Variants in NTRK2 observed in about 807,000 individuals in gnomAD.
The protein encoded by NTRK2 is neurotrophic receptor tyrosine kinase 2.
NTRK2 carries 13 observed loss-of-function variants against 94.5 expected under a neutral mutation model. That is an observed-to-expected ratio of 0.14 (90% CI 0.09 to 0.22). The LOEUF (loss-of-function observed/expected upper bound fraction) is 0.22. NTRK2 is among the 10% of genes least tolerant of loss of function. The probability of loss-of-function intolerance (pLI) is 1.00; values close to 1 mark genes in which losing one functional copy is unlikely to be tolerated. For synonymous variants in NTRK2, 372 were observed against 407.4 expected (o/e 0.91, Z 1.05); for missense variants, 639 against 1,071.2 (o/e 0.60, Z 5.63).
chr9:85,025,631 T>G lies in NTRK2; in HGVS notation c.*4194T>G, dbSNP rs1004691475. On this transcript the variant is annotated 3_prime_UTR_variant, in exon 19 of 19. Coordinates refer to ENST00000277120, the MANE Select transcript of NTRK2 (RefSeq NM_006180.6). ...TACCAATAACATTGTTGTATCTAAC[T>G]AAATAAATGACTGCATATACACACA... 3 of 233,158 alleles carry G rather than the reference T, an allele frequency of 1.3e-5. No individual in the cohort carries two copies. The highest frequency in any genetic ancestry group is 2.5e-5 in the Non-Finnish European group (3 of 118,020). 14.4% of individuals were successfully genotyped at this position (233,158 alleles called of 1,614,324 possible).
chr9:84,950,992 T>C (rs1456809230), intron 16 of NTRK2, among the ~76,000 whole-genome samples: 1 of 152,204 alleles, frequency 6.6e-6, no homozygotes, highest in Non-Finnish European at 1.5e-5. Context: ...GTAAGCTTCA[T>C]GTATCTGCTG....
chr9:84,831,482 T>C (rs2073542653), intron 12 of NTRK2, among the ~76,000 whole-genome samples: 1 of 152,170 alleles, frequency 6.6e-6, no homozygotes, highest in Admixed American at 6.5e-5. Context: ...ATGCCCGTGG[T>C]ACATTGGTGG....
intron 2 of NTRK2, among the ~76,000 whole-genome samples, chr9:84,697,458 T>C (rs1164263102): frequency 6.6e-6 from 1 of 152,186 alleles, no homozygotes; most frequent in Non-Finnish European, 1.5e-5. Context: ...AATGGCACCC[T>C]TTTTGGAGAT....
Position 84,769,275 on chromosome 9 carries a change from T to G in NTRK2, c.1396+17190T>G, listed in dbSNP as rs1043841726. On this transcript the variant is annotated intron_variant, in intron 12 of 18. Transcript: ENST00000277120. ...ATTAATTGCATGTGTTACTTAAAAA[T>G]ATTCTGATATCTCACATTTCTATAA... 2.0e-5 allele frequency among the ~76,000 whole-genome samples: 3 copies of G among 152,320 alleles called. No individual in the cohort carries two copies. The East Asian group carries it at 5.8e-4, about 29-fold the overall frequency.
intron 14 of NTRK2, chr9:84,874,007 A>G: frequency 9.4e-7 from 1 of 1,064,114 alleles, no homozygotes; most frequent in Non-Finnish European, 1.1e-6. Flanking sequence ...AATTTCACCA[A>G]AGCATCAGTG....
chr9:84,874,758 A>T, intron 14 of NTRK2: 1 of 1,060,358 alleles, frequency 9.4e-7, no homozygotes, highest in Non-Finnish European at 1.1e-6. Context: ...GGAGGAGATG[A>T]ATCCATTCTG....
At chr9:84,980,810 C>T (rs1457682047) in intron 17 of NTRK2, among the ~76,000 whole-genome samples, 2 of 152,176 alleles carry the variant, frequency 1.3e-5, no homozygotes, top group Non-Finnish European at 2.9e-5. Context: ...CGCGTAAGCT[C>T]GTGATGCCAA....
intron 2 of NTRK2, among the ~76,000 whole-genome samples, chr9:84,676,906 C>A (rs2131346152): frequency 6.6e-6 from 1 of 152,228 alleles, no homozygotes; most frequent in South Asian, 2.1e-4. Flanking sequence ...TGAAAGCAAT[C>A]ATCTTATCTT....
intron 17 of NTRK2, among the ~76,000 whole-genome samples, chr9:85,012,068 A>G: frequency 6.6e-6 from 1 of 151,642 alleles, no homozygotes; most frequent in East Asian, 1.9e-4. Flanking sequence ...GGCTCACTGC[A>G]ACCTCCGCCT....
Position 84,831,101 on chromosome 9 carries a change from G to T in NTRK2, c.1397-29939G>T, listed in dbSNP as rs148332574. 4.5e-4 allele frequency among the ~76,000 whole-genome samples: 69 copies of T among 152,162 alleles called. 1 individual carries two copies. The East Asian group carries it at 0.013, about 29-fold the overall frequency. On this transcript the variant is annotated intron_variant, in intron 12 of 18. Coordinates refer to ENST00000277120, the MANE Select transcript of NTRK2 (RefSeq NM_006180.6). ...ATGTGTTTGATATTTTCCTAGTATT[G>T]GATGTTTAAGTAATTTCCAATTTCA...
rs1427382543 is a variant in NTRK2 at position 85,025,564 on chromosome 9, C to CT, written c.*4130dup. On this transcript the variant is annotated 3_prime_UTR_variant, in exon 19 of 19. Transcript: ENST00000277120. The stretch of plus-strand genomic sequence containing the variant: ...GCAGGATTACCTGGTCAAGTATGGA[C>CT]TTTCTTTGAATCTTTCTTTTCACAA... 4.3e-6 allele frequency: 1 copy of CT among 233,108 alleles called. No individual in the cohort carries two copies. Among genetic ancestry groups the CT allele is most frequent in the South Asian group, 1.8e-4 (1 of 5,528 alleles). The allele number at this position is 233,108 out of a possible 1,614,324, so 14.4% of individuals were successfully genotyped here.
intron 9 of NTRK2, among the ~76,000 whole-genome samples, chr9:84,731,588 G>C (rs1346004721): frequency 2.0e-5 from 3 of 152,128 alleles, no homozygotes; most frequent in Admixed American, 6.5e-5. Flanking sequence ...AACAAAAATT[G>C]GTGAAGAGGA....
chr9:84,761,592 C>T (rs993392972), intron 12 of NTRK2, among the ~76,000 whole-genome samples: 2 of 152,198 alleles, frequency 1.3e-5, no homozygotes, highest in African/African-American at 2.4e-5. Context: ...CAAAAGTCTG[C>T]CCTGCACTTC....
intron 13 of NTRK2, among the ~76,000 whole-genome samples, chr9:84,863,779 C>A (rs1299508337): frequency 6.6e-6 from 1 of 152,162 alleles, no homozygotes; most frequent in African/African-American, 2.4e-5. Flanking sequence ...GAATTAATAT[C>A]CCCCTTGATG....
intron 14 of NTRK2, among the ~76,000 whole-genome samples, chr9:84,930,097 T>C (rs2077969881): frequency 2.0e-5 from 3 of 152,208 alleles, no homozygotes; most frequent in Admixed American, 2.0e-4. Flanking sequence ...ATATTCAAAG[T>C]CTTAGACCAC....
chr9:84,893,605 G>C (rs1412028580), intron 14 of NTRK2, among the ~76,000 whole-genome samples: 1 of 152,190 alleles, frequency 6.6e-6, no homozygotes. Flanking sequence ...ACGAACCCCA[G>C]ACGCTGTGTG....
chr9:84,785,452 A>C (rs2068028147), intron 12 of NTRK2, among the ~76,000 whole-genome samples: 1 of 152,236 alleles, frequency 6.6e-6, no homozygotes, highest in Non-Finnish European at 1.5e-5. Flanking sequence ...TGGAGAAAGA[A>C]GTGTGGTTAT....
chr9:84,791,947 C>A (rs1350618597), intron 12 of NTRK2, among the ~76,000 whole-genome samples: 1 of 152,166 alleles, frequency 6.6e-6, no homozygotes, highest in East Asian at 1.9e-4. Context: ...TGTCAATGAG[C>A]AGACAGGCAT....
At chr9:84,715,189 A>T (rs2061638500) in intron 6 of NTRK2, among the ~76,000 whole-genome samples, 1 of 152,216 alleles carries the variant, frequency 6.6e-6, no homozygotes. Context: ...ATTAATGTTC[A>T]TATTGGACCA....
Sources: allele counts gnomAD v4.1 joint callset (sites outside exome capture counted in the v4.1 genomes callset), GRCh38; gene constraint gnomAD v4.1.1; transcripts MANE v1.5; gene names NCBI Gene and HGNC (gene_info 2026-07-23, HGNC 2026-07-21).